Variants in PLEKHM3 observed in about 807,000 individuals in gnomAD.
PLEKHM3 encodes the protein pleckstrin homology domain containing M3.
PLEKHM3 carries 45 observed loss-of-function variants against 81.8 expected under a neutral mutation model. The observed-to-expected ratio is 0.55, with a 90% CI of 0.43 to 0.71. PLEKHM3 has a LOEUF of 0.71. Ranked by LOEUF, PLEKHM3 falls within the 30% of genes least tolerant of loss-of-function variation. The probability of loss-of-function intolerance (pLI) is 0.00; values close to 1 mark genes in which losing one functional copy is unlikely to be tolerated. For synonymous variants in PLEKHM3, 352 were observed against 356.4 expected (o/e 0.99, Z 0.14); for missense variants, 788 against 924.3 (o/e 0.85, Z 1.91).
intron 1 of PLEKHM3, among the ~76,000 whole-genome samples, chr2:208,023,297 C>A (rs779681980): frequency 1.1e-4 from 16 of 146,606 alleles, no homozygotes; most frequent in Non-Finnish European, 2.2e-4. Flanking sequence ...CCTGAGCCAT[C>A]ATATCCAGCC....
chr2:207,863,278 C>T (rs915387597), intron 6 of PLEKHM3, among the ~76,000 whole-genome samples: 2 of 152,202 alleles, frequency 1.3e-5, no homozygotes, highest in African/African-American at 4.8e-5. Flanking sequence ...CCAGTGCCTA[C>T]CCTGCCTTGC....
At chr2:207,904,490 A>G (rs1283993836) in intron 6 of PLEKHM3, among the ~76,000 whole-genome samples, 1 of 152,134 alleles carries the variant, frequency 6.6e-6, no homozygotes, top group Non-Finnish European at 1.5e-5. Flanking sequence ...TTCAACTACT[A>G]CTTTTTCAAT....
chr2:208,019,471 C>G (rs553495090), intron 1 of PLEKHM3, among the ~76,000 whole-genome samples: 1 of 152,186 alleles, frequency 6.6e-6, no homozygotes, highest in African/African-American at 2.4e-5. Context: ...ATTCAGCTGT[C>G]CAGTCCTTGA....
intron 1 of PLEKHM3, among the ~76,000 whole-genome samples, chr2:208,010,062 C>T (rs1187087992): frequency 2.0e-5 from 3 of 152,242 alleles, no homozygotes; most frequent in Non-Finnish European, 2.9e-5. Context: ...CTGTGAACCA[C>T]TACACTATCA....
chr2:207,911,853 T>C (rs1688818704), intron 5 of PLEKHM3, among the ~76,000 whole-genome samples: 1 of 152,194 alleles, frequency 6.6e-6, no homozygotes. Flanking sequence ...ATGAAATGAT[T>C]TACGGCAGGG....
chr2:207,963,542 T>C (rs1690810132), intron 3 of PLEKHM3, among the ~76,000 whole-genome samples: 1 of 152,220 alleles, frequency 6.6e-6, no homozygotes, highest in South Asian at 2.1e-4. Context: ...AAGGTCACTA[T>C]AGTCATCTTG....
intron 4 of PLEKHM3, among the ~76,000 whole-genome samples, chr2:207,937,159 C>CAA (rs1350584034): frequency 6.6e-6 from 1 of 151,780 alleles, no homozygotes; most frequent in East Asian, 1.9e-4. Flanking sequence ...ATACTGTATT[C>CAA]AAAAAAGAAG....
At chr2:207,989,740 C>T (rs773118736) in intron 2 of PLEKHM3, among the ~76,000 whole-genome samples, 2 of 152,148 alleles carry the variant, frequency 1.3e-5, no homozygotes, top group Non-Finnish European at 2.9e-5. Context: ...ACTTTTGAAC[C>T]AATTGAGATA....
At chr2:207,878,411 C>A (rs1463777137) in intron 6 of PLEKHM3, among the ~76,000 whole-genome samples, 1 of 152,048 alleles carries the variant, frequency 6.6e-6, no homozygotes, top group East Asian at 1.9e-4. Flanking sequence ...GAGTTTGAGA[C>A]CAGCCTGACC....
At chr2:207,903,472 T>C (rs1688508415) in intron 6 of PLEKHM3, among the ~76,000 whole-genome samples, 1 of 152,154 alleles carries the variant, frequency 6.6e-6, no homozygotes, top group South Asian at 2.1e-4. Context: ...AATGCTTAAC[T>C]TACATATGCC....
chr2:207,955,517 T>TACAC (rs1257904807), intron 3 of PLEKHM3, among the ~76,000 whole-genome samples: 4 of 152,222 alleles, frequency 2.6e-5, no homozygotes, highest in Non-Finnish European at 5.9e-5. Context: ...CTACTTTACA[T>TACAC]ACACACAAAC....
rs953590065 is a variant in PLEKHM3, at chr2:207,823,120, AAGTCTGGAACTTCATTC to A, written c.*5182_*5198del. ...CATTCAAAGTCTGGAACTTCATTCA[AAGTCTGGAACTTCATTC>A]AAAGTCTTGTCTTTCTAACAAGACG... On this transcript the variant is annotated 3_prime_UTR_variant, in exon 8 of 8. Coordinates refer to ENST00000427836, the MANE Select transcript of PLEKHM3 (RefSeq NM_001080475.3). 2.6e-5 allele frequency: 4 copies of A among 152,014 alleles called. No homozygotes were observed. The highest frequency in any genetic ancestry group is 9.7e-5 in the African/African-American group (4 of 41,334). 9.4% of individuals were successfully genotyped at this position (152,014 alleles called of 1,614,324 possible). A position where few individuals can be genotyped will look rare whatever the true frequency, so the allele number is the denominator to read the frequency against.
At chr2:207,860,309 G>GGTTTAGGAGA (rs2092461193) in intron 7 of PLEKHM3, among the ~76,000 whole-genome samples, 2 of 151,916 alleles carry the variant, frequency 1.3e-5, no homozygotes, top group Admixed American at 1.3e-4. Context: ...GAGGCTAAAA[G>GGTTTAGGAGA]GGCTGAGTCA....
intron 5 of PLEKHM3, among the ~76,000 whole-genome samples, chr2:207,915,107 T>C (rs1343548700): frequency 6.6e-6 from 1 of 152,232 alleles, no homozygotes; most frequent in Non-Finnish European, 1.5e-5. Context: ...ACTAGCACAA[T>C]CGCTTCTAGT....
chr2:208,001,925 T>G lies in PLEKHM3; in HGVS notation c.-286A>C. ...CTCTGTGAAGACAACAGCAAGTACT[T>G]GTCAAAGCAATGCCACGCCAATCCT... On this transcript the variant is annotated 5_prime_UTR_variant, in exon 2 of 8. Transcript: ENST00000427836. 2.5e-6 allele frequency: 1 copy of G among 396,818 alleles called. No individual in the cohort carries two copies. Among genetic ancestry groups the G allele is most frequent in the Non-Finnish European group, 4.5e-6 (1 of 220,442 alleles). 24.6% of individuals were successfully genotyped at this position (396,818 alleles called of 1,614,324 possible). A position where few individuals can be genotyped will look rare whatever the true frequency, so the allele number is the denominator to read the frequency against.
intron 3 of PLEKHM3, among the ~76,000 whole-genome samples, chr2:207,972,079 C>T (rs1249610872): frequency 6.6e-6 from 1 of 152,198 alleles, no homozygotes; most frequent in Non-Finnish European, 1.5e-5. Flanking sequence ...TCATGTCTTC[C>T]CTAGTGGACT....
chr2:207,888,933 G>A (rs998584786), intron 6 of PLEKHM3, among the ~76,000 whole-genome samples: 2 of 152,196 alleles, frequency 1.3e-5, no homozygotes, highest in Non-Finnish European at 2.9e-5. Context: ...AAATCAAAAT[G>A]AGTACCCAGG....
intron 2 of PLEKHM3, among the ~76,000 whole-genome samples, chr2:207,991,377 CAT>C (rs1287143579): frequency 6.6e-6 from 1 of 152,214 alleles, no homozygotes. Flanking sequence ...AGCACATCCA[CAT>C]GTAAGGCAAA....
At chr2:207,838,992 G>A (rs994696741) in intron 7 of PLEKHM3, among the ~76,000 whole-genome samples, 2 of 152,112 alleles carry the variant, frequency 1.3e-5, no homozygotes, top group Non-Finnish European at 2.9e-5. Context: ...ATTATTAGGC[G>A]AATGCAGATT....
Sources: allele counts gnomAD v4.1 joint callset (sites outside exome capture counted in the v4.1 genomes callset), GRCh38; gene constraint gnomAD v4.1.1; transcripts MANE v1.5; gene names NCBI Gene and HGNC (gene_info 2026-07-23, HGNC 2026-07-21).